TMEM39A: variants seen among roughly 807,000 people sequenced by gnomAD.
The protein encoded by TMEM39A is transmembrane protein 39A.
In TMEM39A, 19 loss-of-function variants were observed where a neutral mutation model predicts 51.9. The ratio of observed to expected loss-of-function variants is 0.37; its 90% confidence interval spans 0.26 to 0.54. The LOEUF is 0.54. Among genes scored for constraint, TMEM39A ranks in the 20% least tolerant of loss-of-function variants. The probability of loss-of-function intolerance (pLI) is 0.88; values close to 1 mark genes in which losing one functional copy is unlikely to be tolerated. For synonymous variants in TMEM39A, 197 were observed against 220.2 expected (o/e 0.89, Z 0.93); for missense variants, 433 against 590.5 (o/e 0.73, Z 2.76).
intron 1 of TMEM39A, among the ~76,000 whole-genome samples, chr3:119,462,914 T>C (rs2081359219): frequency 6.6e-6 from 1 of 151,996 alleles, no homozygotes; most frequent in Non-Finnish European, 1.5e-5. Context: ...AAAAGCTCTT[T>C]TCATCATTCT....
At chr3:119,436,341 A>C (rs1268820521) in intron 7 of TMEM39A, among the ~76,000 whole-genome samples, 2 of 152,242 alleles carry the variant, frequency 1.3e-5, no homozygotes, top group African/African-American at 2.4e-5. Flanking sequence ...AAATTACTAG[A>C]ACAAAACTGC....
At chr3:119,457,560 T>G (rs1480277220) in intron 3 of TMEM39A, among the ~76,000 whole-genome samples, 1 of 152,160 alleles carries the variant, frequency 6.6e-6, no homozygotes, top group Non-Finnish European at 1.5e-5. Flanking sequence ...GGAGGTCACA[T>G]GTTGGAAGAC....
At chr3:119,442,424 T>C (rs1237599153) in intron 5 of TMEM39A, among the ~76,000 whole-genome samples, 1 of 152,204 alleles carries the variant, frequency 6.6e-6, no homozygotes, top group Non-Finnish European at 1.5e-5. Context: ...GTTGTTTTTA[T>C]GCCTGTTAAG....
chr3:119,437,025 A>C, intron 6 of TMEM39A, 47 bp from the exon 7 acceptor site: 1 of 1,559,172 alleles, frequency 6.4e-7, no homozygotes, highest in Non-Finnish European at 8.8e-7. Flanking sequence ...ACTGGTAAAA[A>C]GAGGCAGGGA....
At chr3:119,432,713 G>T (rs1040891656) in intron 8 of TMEM39A, among the ~76,000 whole-genome samples, 47 of 152,078 alleles carry the variant, frequency 3.1e-4, no homozygotes, top group Non-Finnish European at 8.8e-5. Context: ...AGACAAGTTT[G>T]GGGAAAAGAG....
intron 5 of TMEM39A, among the ~76,000 whole-genome samples, chr3:119,442,809 C>T (rs951491829): frequency 2.0e-5 from 3 of 152,122 alleles, no homozygotes; most frequent in African/African-American, 7.2e-5. Flanking sequence ...CCTCTAATCC[C>T]AGCACTTTGG....
chr3:119,458,301 A>AGGGCTC (rs1158359997), intron 2 of TMEM39A, 61 bp from the exon 3 acceptor site: 3 of 1,447,884 alleles, frequency 2.1e-6, no homozygotes, highest in Non-Finnish European at 2.9e-6. Flanking sequence ...CAGAACATAA[A>AGGGCTC]GGGCTCCTGC....
Position 119,447,310 on chromosome 3 carries a change from C to T in TMEM39A, c.421-138G>A, listed in dbSNP as rs1295328778. The T allele has an allele frequency of 1.8e-5, 14 of 781,278 alleles. No homozygotes were observed. In the East Asian group the frequency reaches 3.4e-4, roughly 19 times the overall value. 48.4% of individuals were successfully genotyped at this position (781,278 alleles called of 1,614,324 possible). On this transcript the variant is annotated intron_variant, in intron 4 of 8. Transcript: ENST00000319172. ...AAGTGAAATAAAAGAAAAACTGCCC[C>T]ATCCCACCTTATCTTCGTAATAATT...
rs2080874383 is a variant in TMEM39A at position 119,429,613 on chromosome 3, TTC to T, written c.*2366_*2367del. The T allele has an allele frequency of 6.6e-6, 1 of 152,060 alleles. No homozygotes were observed. The highest frequency in any genetic ancestry group is 2.1e-4 in the South Asian group (1 of 4,826). 9.4% of individuals were successfully genotyped at this position (152,060 alleles called of 1,614,324 possible). On this transcript the variant is annotated 3_prime_UTR_variant, in exon 9 of 9. Coordinates refer to ENST00000319172, the MANE Select transcript of TMEM39A (RefSeq NM_018266.3). ...AGGATATCCGGGTAACTAGTAATTT[TTC>T]TCTCTTCCATGAACGTGGCCCCTAC...
At chr3:119,436,631 G>A (rs2080971382) in intron 7 of TMEM39A, 160 bp downstream of exon 7, 1 of 733,194 alleles carries the variant, frequency 1.4e-6, no homozygotes, top group Admixed American at 2.6e-5. Flanking sequence ...ATGAGTTAAT[G>A]TCCCTTGTAT....
intron 3 of TMEM39A, 72 bp from the exon 4 acceptor site, chr3:119,452,602 G>A: frequency 8.2e-7 from 1 of 1,213,328 alleles, no homozygotes; most frequent in East Asian, 2.5e-5. Flanking sequence ...TACAAGAATA[G>A]AGGTTTATCC....
Position 119,436,793 on chromosome 3 carries a change from G to A in TMEM39A, c.1110C>T (p.His370=). 3 of 1,611,706 alleles carry A rather than the reference G, an allele frequency of 1.9e-6. No individual in the cohort carries two copies. The highest frequency in any genetic ancestry group is 2.5e-6 in the Non-Finnish European group (3 of 1,178,488). Residue 370 remains histidine (H), a splice_region_variant and synonymous_variant, in exon 7 of 9, where the codon CAC becomes CAT. Transcript: ENST00000319172. ...GTTTTACCCTCTAGCTTACTCACAT[G>A]TGCTGTGGAGCATTGCTGTAGGACC... ...EHGSYSNAPQ[H]IWSENTIWPQ... is the part of the protein sequence containing the mutation.
At chr3:119,450,352 C>T (rs900363156) in intron 4 of TMEM39A, among the ~76,000 whole-genome samples, 1 of 152,198 alleles carries the variant, frequency 6.6e-6, no homozygotes, top group African/African-American at 2.4e-5. Flanking sequence ...CATTTAACAT[C>T]TTGGAGGTCA....
chr3:119,459,586 CT>C (rs976112353), intron 2 of TMEM39A, among the ~76,000 whole-genome samples: 2 of 152,126 alleles, frequency 1.3e-5, no homozygotes, highest in Non-Finnish European at 2.9e-5. Context: ...ATATATCTTC[CT>C]TTTTTAAAAG....
Position 119,438,097 on chromosome 3 carries a change from A to C in TMEM39A, c.582T>G (p.Gly194=). ...GAAAACAGCAAAGAGGAACATAAAC[A>C]CCAAACCTGTAAAACAAAGTGTGAA... is the stretch of plus-strand genomic sequence containing the variant. ...LNLLFLGYPF[G]VYVPLCCFHQ... Residue 194 remains glycine (G), a synonymous_variant, in exon 6 of 9, where the codon GGT becomes GGG. Transcript: ENST00000319172. 6.3e-7 allele frequency: 1 copy of C among 1,582,730 alleles called. No individual in the cohort carries two copies. The highest frequency in any genetic ancestry group is 8.6e-7 in the Non-Finnish European group (1 of 1,156,140).
chr3:119,457,986 C>T (rs764254012), intron 3 of TMEM39A, 32 bp downstream of exon 3: 6 of 1,527,406 alleles, frequency 3.9e-6, no homozygotes, highest in Non-Finnish European at 5.4e-6. Flanking sequence ...GGGTAAGTAA[C>T]ATGAAGAACT....
intron 3 of TMEM39A, 83 bp downstream of exon 3, chr3:119,457,935 G>A: frequency 9.4e-7 from 1 of 1,058,496 alleles, no homozygotes; most frequent in Non-Finnish European, 1.4e-6. Context: ...AAATTATTAA[G>A]AAAAACAATT....
At chr3:119,454,720 C>T (rs13316149) in intron 3 of TMEM39A, among the ~76,000 whole-genome samples, 441 of 152,118 alleles carry the variant, frequency 2.9e-3, no homozygotes, top group African/African-American at 9.9e-3. Context: ...ACCAGGGAGT[C>T]GGAGGTTGCA....
chr3:119,434,704 G>C (rs200678014), intron 8 of TMEM39A, 58 bp downstream of exon 8: 167 of 1,594,938 alleles, frequency 1.0e-4, no homozygotes, highest in Middle Eastern at 1.7e-4. Flanking sequence ...TCCACATAGA[G>C]TGGCCTCCTA....
Sources: gnomAD v4.1 joint callset for allele counts (sites outside exome capture counted in the v4.1 genomes callset) on GRCh38, gnomAD v4.1.1 for gene constraint, MANE v1.5 for transcripts, NCBI Gene and HGNC (gene_info 2026-07-23, HGNC 2026-07-21) for gene names.